CSMD1: variants seen among roughly 807,000 people sequenced by gnomAD.
The protein encoded by CSMD1 is CUB and sushi domain-containing protein 1.
In CSMD1, 213 loss-of-function variants were observed where a neutral mutation model predicts 417.5. The ratio of observed to expected loss-of-function variants is 0.51; its 90% CI spans 0.46 to 0.57. The LOEUF (loss-of-function observed/expected upper bound fraction) is 0.57. CSMD1 is among the 20% of genes least tolerant of loss of function. CSMD1 has a pLI of 0.00. For missense variants in CSMD1, 6,923 were observed against 4,529.7 expected, an observed-to-expected ratio of 1.53 and a Z score of -15.17; for synonymous variants, 2,862 against 1,736.8, an observed-to-expected ratio of 1.65 and a Z score of -16.11.
intron 3 of CSMD1, among the ~76,000 whole-genome samples, chr8:4,167,385 G>C (rs1797515143): frequency 6.6e-6 from 1 of 152,146 alleles, no homozygotes; most frequent in East Asian, 1.9e-4. Flanking sequence ...AACAAACTAT[G>C]TTAAATTTCA....
At chr8:3,740,331 C>A (rs1262409060) in intron 6 of CSMD1, among the ~76,000 whole-genome samples, 1 of 152,266 alleles carries the variant, frequency 6.6e-6, no homozygotes, top group Middle Eastern at 3.4e-3. Flanking sequence ...GTCTCGAACT[C>A]CTTAACTCAA....
intron 2 of CSMD1, among the ~76,000 whole-genome samples, chr8:4,541,556 T>C (rs1225995875): frequency 6.6e-6 from 1 of 151,976 alleles, no homozygotes; most frequent in Non-Finnish European, 1.5e-5. Flanking sequence ...AAGAACAGCC[T>C]GGCCACCATG....
intron 7 of CSMD1, among the ~76,000 whole-genome samples, chr8:3,654,472 G>A (rs549211644): frequency 1.3e-5 from 2 of 152,126 alleles, no homozygotes; most frequent in Non-Finnish European, 2.9e-5. Context: ...AGGGTACACA[G>A]GAGCTTTTAA....
chr8:4,804,908 G>C (rs1469719277), intron 1 of CSMD1, among the ~76,000 whole-genome samples: 3 of 152,108 alleles, frequency 2.0e-5, no homozygotes, highest in East Asian at 3.9e-4. Flanking sequence ...CCTAATAAAA[G>C]AGAAAAGAAA....
At chr8:3,520,599 A>G (rs997591674) in intron 10 of CSMD1, among the ~76,000 whole-genome samples, 1 of 152,110 alleles carries the variant, frequency 6.6e-6, no homozygotes, top group Non-Finnish European at 1.5e-5. Flanking sequence ...AGACAACACC[A>G]TTTACTGCTT....
In CSMD1 at chr8:3,906,848, T is replaced by C. The variant is rs1176615406; in HGVS notation, c.818+91055A>G. ...TATATCAAGAAGGACAGCATTGTCA[T>C]TTTGTACATAAAGTAAAAGTATTAG... On this transcript the variant is annotated intron_variant, in intron 5 of 69. Coordinates refer to ENST00000635120, the MANE Select transcript of CSMD1 (RefSeq NM_033225.6). 7.9e-5 allele frequency among the ~76,000 whole-genome samples: 12 copies of C among 152,286 alleles called. No individual in the cohort carries two copies. In the East Asian group the frequency reaches 2.1e-3, roughly 27 times the overall value.
chr8:4,781,916 T>C (rs1054518045), intron 1 of CSMD1, among the ~76,000 whole-genome samples: 5 of 152,142 alleles, frequency 3.3e-5, no homozygotes, highest in Non-Finnish European at 5.9e-5. Flanking sequence ...TAAATAAAAA[T>C]CAAGACTTAC....
At chr8:4,661,207 C>T (rs904203148) in intron 1 of CSMD1, among the ~76,000 whole-genome samples, 3 of 152,168 alleles carry the variant, frequency 2.0e-5, no homozygotes, top group Non-Finnish European at 2.9e-5. Flanking sequence ...AAAACTGAAA[C>T]AGCCCAGATG....
At chr8:3,439,581 T>G (rs1814837060) in intron 12 of CSMD1, among the ~76,000 whole-genome samples, 1 of 151,534 alleles carries the variant, frequency 6.6e-6, no homozygotes, top group African/African-American at 2.4e-5. Flanking sequence ...TTTGAAAATG[T>G]TATCTTCCAG....
intron 6 of CSMD1, among the ~76,000 whole-genome samples, chr8:3,725,710 G>A (rs1017858485): frequency 2.0e-5 from 3 of 151,032 alleles, no homozygotes; most frequent in Admixed American, 6.6e-5. Context: ...CAATGAGAGA[G>A]TAGGCAGAGG....
At chr8:3,858,825 G>A (rs915390064) in intron 5 of CSMD1, among the ~76,000 whole-genome samples, 4 of 152,148 alleles carry the variant, frequency 2.6e-5, no homozygotes, top group African/African-American at 9.7e-5. Flanking sequence ...GAAATAACAT[G>A]ACTTGCATGT....
At chr8:4,049,802 C>G (rs1277529682) in intron 3 of CSMD1, among the ~76,000 whole-genome samples, 1 of 151,982 alleles carries the variant, frequency 6.6e-6, no homozygotes, top group African/African-American at 2.4e-5. Context: ...AGCATCTTAG[C>G]TTTGTATGGA....
At chr8:3,498,015 C>T (rs1796438708) in intron 10 of CSMD1, among the ~76,000 whole-genome samples, 1 of 152,320 alleles carries the variant, frequency 6.6e-6, no homozygotes, top group South Asian at 2.1e-4. Context: ...AGCTTTTCCT[C>T]ATCCGGGAAT....
chr8:4,940,039 G>A lies in CSMD1; in HGVS notation c.85+54293C>T, dbSNP rs566784890. Among the ~76,000 whole-genome samples, 26 of 152,288 alleles carry A rather than the reference G, an allele frequency of 1.7e-4. No homozygotes were observed. In the South Asian group the frequency reaches 2.1e-3, roughly 12 times the overall value. On this transcript the variant is annotated intron_variant, in intron 1 of 69. Coordinates refer to ENST00000635120, the MANE Select transcript of CSMD1 (RefSeq NM_033225.6). ...GAAAGATCCATGTGCCTGCACTCCC[G>A]TCAGAGAAGACAAGAGCTGAGGTAG...
At chr8:3,103,254 T>C (rs1318079656) in intron 46 of CSMD1, among the ~76,000 whole-genome samples, 2 of 152,200 alleles carry the variant, frequency 1.3e-5, no homozygotes, top group Admixed American at 1.3e-4. Flanking sequence ...CTGTAACCAG[T>C]TATAGAAATA....
intron 46 of CSMD1, among the ~76,000 whole-genome samples, chr8:3,105,012 C>G (rs1218861236): frequency 1.3e-5 from 2 of 152,350 alleles, no homozygotes; most frequent in South Asian, 2.1e-4. Context: ...GGCCAGTTAT[C>G]AGACCTTTGA....
At chr8:3,160,038 C>T (rs1563097223) in intron 38 of CSMD1, among the ~76,000 whole-genome samples, 1 of 152,096 alleles carries the variant, frequency 6.6e-6, no homozygotes, top group East Asian at 1.9e-4. Flanking sequence ...ATAAAGCAAG[C>T]CCCGAAAAAG....
intron 3 of CSMD1, among the ~76,000 whole-genome samples, chr8:4,057,912 T>G (rs1264535988): frequency 6.6e-6 from 1 of 151,920 alleles, no homozygotes; most frequent in Non-Finnish European, 1.5e-5. Flanking sequence ...TTGGTACCAG[T>G]ACCATGCTGT....
intron 3 of CSMD1, among the ~76,000 whole-genome samples, chr8:4,178,769 C>T (rs1287116023): frequency 6.6e-6 from 1 of 152,246 alleles, no homozygotes; most frequent in Non-Finnish European, 1.5e-5. Flanking sequence ...AAATTACAAG[C>T]ATTGTTATAC....
Sources: allele counts gnomAD v4.1 joint callset (sites outside exome capture counted in the v4.1 genomes callset), GRCh38; gene constraint gnomAD v4.1.1; transcripts MANE v1.5; gene names NCBI Gene and HGNC (gene_info 2026-07-23, HGNC 2026-07-21).